The following RIMBP2 variants were observed in gnomAD, a reference collection of about 807,000 sequenced individuals.
The protein encoded by RIMBP2 is RIMS-binding protein 2.
RIMBP2 carries 48 observed loss-of-function variants against 118.6 expected under a neutral mutation model. The ratio of observed to expected loss-of-function variants is 0.40; its 90% CI spans 0.32 to 0.51. RIMBP2 has a LOEUF of 0.51. Ranked by LOEUF, RIMBP2 falls within the 20% of genes least tolerant of loss-of-function variation. RIMBP2 has a pLI of 0.41. For missense variants in RIMBP2, 1,551 were observed against 1,768.3 expected, an observed-to-expected ratio of 0.88 and a Z score of 2.20; for synonymous variants, 762 against 742.9, an observed-to-expected ratio of 1.03 and a Z score of -0.42.
Position 130,576,182 on chromosome 12 carries a change from C to G in RIMBP2, c.-217+52140G>C, listed in dbSNP as rs1427534981. ...GTACCTTGTAGGCCACGGTAGGAAC[C>G]TTGCTTTGTATCCTGAGCATGAGAA... On this transcript the variant is annotated intron_variant, in intron 2 of 22. Transcript: ENST00000690449. The surrounding 1 kb of genome is among the most constrained non-coding windows in gnomAD (Gnocchi z 4.2). Among the ~76,000 whole-genome samples the G allele has an allele frequency of 6.6e-6, 1 of 152,150 alleles. No homozygotes were observed. The highest frequency in any genetic ancestry group is 2.1e-4 in the South Asian group (1 of 4,820).
chr12:130,451,072 G>A, intron 8 of RIMBP2, 123 bp downstream of exon 8: 2 of 1,194,246 alleles, frequency 1.7e-6, no homozygotes. Context: ...GCAAAGGGAA[G>A]AACCAACCAG....
intron 11 of RIMBP2, among the ~76,000 whole-genome samples, chr12:130,440,944 CAAGAAGACGAAG>C (rs1408132167): frequency 6.6e-6 from 1 of 152,104 alleles, no homozygotes; most frequent in East Asian, 1.9e-4. Context: ...AGTCGGAGAG[CAAGAAGACGAAG>C]AAAGTGTCCA....
At chr12:130,628,645 C>G (rs368855989) in intron 1 of RIMBP2, among the ~76,000 whole-genome samples, 189 bp from the exon 2 acceptor site, 1 of 152,122 alleles carries the variant, frequency 6.6e-6, no homozygotes, top group African/African-American at 2.4e-5. Flanking sequence ...GTCCTCCCAG[C>G]CTGAGATTTT....
At position 130,406,125 on chromosome 12, in the gene RIMBP2, G is replaced by C. The variant is rs763556904; in HGVS notation, c.3765+47C>G. 8.9e-6 allele frequency: 11 copies of C among 1,231,722 alleles called. No individual in the cohort carries two copies. The Admixed American group carries it at 1.3e-4, about 14-fold the overall frequency. The allele number at this position is 1,231,722 out of a possible 1,614,324, so 76.3% of individuals were successfully genotyped here. On this transcript the variant is annotated intron_variant, in intron 21 of 22. Coordinates refer to ENST00000690449, the MANE Select transcript of RIMBP2 (RefSeq NM_001393629.1). Reference sequence around the variant, plus strand: ...GCAAAACAAAACACACAAAATAAATGAAAATACAAAAATCAAATGGTACTT... The same window carrying C: ...GCAAAACAAAACACACAAAATAAATCAAAATACAAAAATCAAATGGTACTT...
At chr12:130,454,836 G>T (rs144260236) in intron 7 of RIMBP2, among the ~76,000 whole-genome samples, 466 of 152,282 alleles carry the variant, frequency 3.1e-3, no homozygotes, top group African/African-American at 0.011. Flanking sequence ...CGGACTCACC[G>T]GGCAGGCCTG....
At chr12:130,602,025 A>C (rs2059907309) in intron 2 of RIMBP2, among the ~76,000 whole-genome samples, 1 of 152,202 alleles carries the variant, frequency 6.6e-6, no homozygotes, top group Admixed American at 6.5e-5. Context: ...TTGGCCAGGC[A>C]CGGTGGCTCG....
At position 130,424,721 on chromosome 12, in the gene RIMBP2, CTTGTGTA is replaced by C; in HGVS notation, c.2543_2549del (p.Leu848ArgfsTer37). On this transcript the variant is annotated frameshift_variant, in exon 16 of 23. Coordinates refer to ENST00000690449, the MANE Select transcript of RIMBP2 (RefSeq NM_001393629.1). LOFTEE classifies it high-confidence loss of function. The surrounding 1 kb of genome is among the most constrained non-coding windows in gnomAD (Gnocchi z 9.8). ...CCCTGGGGGACGGCCCTGCACCCTG[CTTGTGTA>C]GCAGCCCACAGCACTCTCCGTCCTC... 8.1e-7 allele frequency: 1 copy of C among 1,232,270 alleles called. No individual in the cohort carries two copies. Among genetic ancestry groups the C allele is most frequent in the Non-Finnish European group, 1.0e-6 (1 of 988,058 alleles). The allele number at this position is 1,232,270 out of a possible 1,614,324, so 76.3% of individuals were successfully genotyped here. A position where few individuals can be genotyped will look rare whatever the true frequency, so the allele number is the denominator to read the frequency against.
chr12:130,707,337 C>T (rs945139710), intron 1 of RIMBP2, among the ~76,000 whole-genome samples: 3 of 152,122 alleles, frequency 2.0e-5, no homozygotes, highest in African/African-American at 7.2e-5. Context: ...AACAAGGTCC[C>T]CCCCACGCCC....
At chr12:130,470,845 T>A in intron 5 of RIMBP2, 102 bp from the exon 6 acceptor site, 2 of 563,046 alleles carry the variant, frequency 3.6e-6, no homozygotes, top group Non-Finnish European at 5.3e-6. Context: ...CATTTATTTT[T>A]ATTCCTCTAA....
chr12:130,576,491 G>A lies in RIMBP2; in HGVS notation c.-217+51831C>T, dbSNP rs529298404. ...CTGTGCGGGCTAAGTATCTCCTCCC[G>A]CGGGAAGCAGATGGCCCCTGCATGT... On this transcript the variant is annotated intron_variant, in intron 2 of 22. Transcript: ENST00000690449. The surrounding 1 kb of genome is among the most constrained non-coding windows in gnomAD (Gnocchi z 4.2). 7.2e-5 allele frequency among the ~76,000 whole-genome samples: 11 copies of A among 152,228 alleles called. No individual in the cohort carries two copies. The highest frequency in any genetic ancestry group is 6.2e-4 in the South Asian group (3 of 4,822).
At chr12:130,635,697 AT>A (rs1385974841) in intron 1 of RIMBP2, among the ~76,000 whole-genome samples, 1 of 152,042 alleles carries the variant, frequency 6.6e-6, no homozygotes, top group Non-Finnish European at 1.5e-5. Flanking sequence ...ATGCTATCTC[AT>A]TGTGGCACCT....
intron 2 of RIMBP2, among the ~76,000 whole-genome samples, chr12:130,627,717 T>C (rs1167341655): frequency 1.3e-5 from 2 of 152,042 alleles, no homozygotes; most frequent in African/African-American, 4.8e-5. Flanking sequence ...CCCCTTGCAC[T>C]CCCTCTCAGC....
rs532158300 is a variant in RIMBP2, at chr12:130,454,033, G to A, written c.358+2463C>T. Among the ~76,000 whole-genome samples, 8 of 152,232 alleles carry A rather than the reference G, an allele frequency of 5.3e-5. No individual in the cohort carries two copies. The East Asian group carries it at 9.7e-4, about 18-fold the overall frequency. On this transcript the variant is annotated intron_variant, in intron 7 of 22. Transcript: ENST00000690449. ...CACACCATTGCACTCCAGCCTGGGC[G>A]ACAGAGCGAGACTCCAATGCAAAAA...
chr12:130,614,057 T>C (rs1396026041), intron 2 of RIMBP2, among the ~76,000 whole-genome samples: 1 of 152,202 alleles, frequency 6.6e-6, no homozygotes. Context: ...TAGCAGGTTC[T>C]ATTGTTACTT....
chr12:130,642,799 C>T (rs147167456), intron 1 of RIMBP2, among the ~76,000 whole-genome samples: 28 of 152,326 alleles, frequency 1.8e-4, no homozygotes, highest in Non-Finnish European at 3.4e-4. Flanking sequence ...AACTAGGCTA[C>T]ACATTGAAGC....
chr12:130,564,856 G>A (rs530604850), intron 2 of RIMBP2, among the ~76,000 whole-genome samples: 108 of 152,294 alleles, frequency 7.1e-4, no homozygotes, highest in African/African-American at 2.6e-3. Flanking sequence ...ATTGTGTTAA[G>A]AGGGTAGACT....
At chr12:130,548,011 T>C (rs1336506167) in intron 2 of RIMBP2, among the ~76,000 whole-genome samples, 1 of 152,180 alleles carries the variant, frequency 6.6e-6, no homozygotes, top group East Asian at 1.9e-4. Context: ...GTATGTCAAG[T>C]AGTAGACACT....
rs77637538 is a variant in RIMBP2 at position 130,455,160 on chromosome 12, G to C, written c.358+1336C>G. Among the ~76,000 whole-genome samples the C allele has an allele frequency of 8.3e-3, 1,271 of 152,378 alleles. 17 individuals are homozygous for C. The highest frequency in any genetic ancestry group is 0.029 in the African/African-American group (1,217 of 41,592). Reference sequence around the variant, plus strand: ...GGGCTCTGTGTGGCCCTTCACGGGAGGGAGAGAGACAGCATGGAGACACGT... The same window carrying C: ...GGGCTCTGTGTGGCCCTTCACGGGACGGAGAGAGACAGCATGGAGACACGT... On this transcript the variant is annotated intron_variant, in intron 7 of 22. Coordinates refer to ENST00000690449, the MANE Select transcript of RIMBP2 (RefSeq NM_001393629.1).
intron 2 of RIMBP2, among the ~76,000 whole-genome samples, chr12:130,540,710 T>G (rs1402610832): frequency 6.6e-6 from 1 of 152,142 alleles, no homozygotes; most frequent in Non-Finnish European, 1.5e-5. Flanking sequence ...CTAGTATTAG[T>G]TGGTCAGGGA....
Sources: gnomAD v4.1 joint callset for allele counts (sites outside exome capture counted in the v4.1 genomes callset) on GRCh38, gnomAD v4.1.1 for gene constraint, Gnocchi (gnomAD v3.1) non-coding constraint, MANE v1.5 for transcripts, NCBI Gene and HGNC (gene_info 2026-07-23, HGNC 2026-07-21) for gene names.